The following TINAG variants were observed in gnomAD, a reference collection of about 807,000 sequenced individuals.
TINAG encodes the protein tubulointerstitial nephritis antigen.
In TINAG, 83 loss-of-function variants were observed where a neutral mutation model predicts 72.7. The ratio of observed to expected loss-of-function variants is 1.14; its 90% CI spans 0.96 to 1.37. The LOEUF (loss-of-function observed/expected upper bound fraction) is 1.37, where lower values mean the gene tolerates loss of function less well. Ranked by LOEUF, TINAG falls within the 40% of genes most tolerant of loss-of-function variation. The probability of loss-of-function intolerance (pLI) is 0.00; values close to 1 mark genes in which losing one functional copy is unlikely to be tolerated. For missense variants in TINAG, 685 were observed against 576.6 expected, an observed-to-expected ratio of 1.19 and a Z score of -1.93; for synonymous variants, 234 against 189.9, an observed-to-expected ratio of 1.23 and a Z score of -1.91.
chr6:54,334,149 T>C (rs1330087841), intron 4 of TINAG, among the ~76,000 whole-genome samples: 1 of 152,202 alleles, frequency 6.6e-6, no homozygotes, highest in Non-Finnish European at 1.5e-5. Flanking sequence ...TGTGGTGTTC[T>C]CCAGGCACAT....
chr6:54,317,462 A>G (rs1427572345), intron 1 of TINAG, among the ~76,000 whole-genome samples: 1 of 152,078 alleles, frequency 6.6e-6, no homozygotes, highest in East Asian at 1.9e-4. Context: ...GGTTTTATAA[A>G]TGGGAGTTGC....
chr6:54,326,562 T>G (rs1562152094), intron 3 of TINAG, among the ~76,000 whole-genome samples: 2 of 152,104 alleles, frequency 1.3e-5, no homozygotes, highest in Non-Finnish European at 2.9e-5. Flanking sequence ...GATTATGTTC[T>G]TCGTAAGAAT....
At chr6:54,350,296 G>GA (rs898179913) in intron 7 of TINAG, among the ~76,000 whole-genome samples, 3 of 151,854 alleles carry the variant, frequency 2.0e-5, no homozygotes, top group African/African-American at 4.8e-5. Context: ...GGGTCTAATA[G>GA]AAAAAAGAGT....
At position 54,308,594 on chromosome 6, in the gene TINAG, C is replaced by A. The variant is rs1426622622; in HGVS notation, c.44C>A (p.Thr15Lys). 3 of 1,613,272 alleles carry A rather than the reference C, an allele frequency of 1.9e-6. No homozygotes were observed. The highest frequency in any genetic ancestry group is 1.7e-6 in the Non-Finnish European group (2 of 1,179,650). ...YKILIFSYLT[T>K]EIWMEKQYLS... Reference sequence around the variant, plus strand: ...ATCTTAATCTTCTCTTATCTTACTACAGAAATCTGGATGGAGAAGCAGTAT... The same window carrying A: ...ATCTTAATCTTCTCTTATCTTACTAAAGAAATCTGGATGGAGAAGCAGTAT... The change falls in exon 1 of 11, where the codon ACA becomes AAA. Residue 15 changes from threonine to lysine, a missense_variant. Thr to Lys is a moderately conservative substitution (Grantham distance 78). Coordinates refer to ENST00000259782, the MANE Select transcript of TINAG (RefSeq NM_014464.4).
Position 54,308,743 on chromosome 6 carries a change from G to A in TINAG, c.193G>A (p.Asp65Asn). 1 of 1,613,920 alleles carries A rather than the reference G, an allele frequency of 6.2e-7. No homozygotes were observed. The highest frequency in any genetic ancestry group is 8.5e-7 in the Non-Finnish European group (1 of 1,179,888). ...CTGTAGAAATTTTGGCTGTTGTGAAGACAGAGATGATGGCTGTGTCACTGA... is the reference window on the plus strand; with the variant it reads ...CTGTAGAAATTTTGGCTGTTGTGAAAACAGAGATGATGGCTGTGTCACTGA... ...QYCRNFGCCE[D>N]RDDGCVTEFY... Residue 65 changes from aspartate (D) to asparagine (N), a missense_variant, in exon 1 of 11, where the codon GAC (aspartate) becomes AAC (asparagine). Transcript: ENST00000259782.
rs567840700 is a variant in TINAG, at chr6:54,389,835, T to A, written c.1341T>A (p.Tyr447Ter). ...GAAAGTCATGGGGAGAGAATGGCTA[T>A]TTCAGGATTCTTCGAGGAGTAAATG... Reference protein sequence around the residue: ...SWGKSWGENGYFRILRGVNES... With the variant: ...SWGKSWGENG Residue 447 changes from tyrosine to a stop codon, truncating the protein, a stop_gained, in exon 11 of 11, where the codon TAT becomes TAA. Transcript: ENST00000259782. LOFTEE classifies it high-confidence loss of function. 3.7e-6 allele frequency: 6 copies of A among 1,608,878 alleles called. No homozygotes were observed. In the South Asian group the frequency reaches 6.7e-5, roughly 18 times the overall value.
chr6:54,377,556 A>G (rs1252315412), intron 9 of TINAG, among the ~76,000 whole-genome samples: 1 of 152,090 alleles, frequency 6.6e-6, no homozygotes, highest in Non-Finnish European at 1.5e-5. Flanking sequence ...CAGTAAAGTA[A>G]GGTTCTGGTC....
intron 9 of TINAG, among the ~76,000 whole-genome samples, chr6:54,377,309 C>G (rs1763810763): frequency 6.6e-6 from 1 of 151,902 alleles, no homozygotes; most frequent in African/African-American, 2.4e-5. Flanking sequence ...GTCAGGAGTT[C>G]AAGACCAACC....
chr6:54,308,779 G>A lies in TINAG; in HGVS notation c.229G>A (p.Ala77Thr). The A allele has an allele frequency of 6.2e-7, 1 of 1,613,862 alleles. No individual in the cohort carries two copies. Among genetic ancestry groups the A allele is most frequent in the Non-Finnish European group, 8.5e-7 (1 of 1,179,884 alleles). Residue 77 changes from alanine to threonine, a missense_variant, in exon 1 of 11, where the codon GCG becomes ACG. Coordinates refer to ENST00000259782, the MANE Select transcript of TINAG (RefSeq NM_014464.4). ...DDGCVTEFYA[A>T]NALCYCDKFC... is the part of the protein sequence containing the mutation. ...TGGCTGTGTCACTGAGTTCTATGCG[G>A]CGAATGCGTTGTGCTACTGTGATAA...
intron 1 of TINAG, among the ~76,000 whole-genome samples, chr6:54,319,209 G>A (rs528525652): frequency 2.4e-4 from 37 of 152,228 alleles, no homozygotes; most frequent in African/African-American, 8.2e-4. Flanking sequence ...TTTAAGAATG[G>A]TCAGGAAAGT....
chr6:54,323,322 C>T (rs111516949), intron 3 of TINAG, among the ~76,000 whole-genome samples: 1 of 151,878 alleles, frequency 6.6e-6, no homozygotes, highest in South Asian at 2.1e-4. Context: ...AAATTATTTA[C>T]CAGGGCAAAA....
At chr6:54,323,160 T>G (rs1464601029) in intron 3 of TINAG, among the ~76,000 whole-genome samples, 1 of 152,206 alleles carries the variant, frequency 6.6e-6, no homozygotes, top group Non-Finnish European at 1.5e-5. Context: ...TTAAGAGGCA[T>G]GGGCTTTGCA....
intron 5 of TINAG, among the ~76,000 whole-genome samples, chr6:54,344,610 T>C (rs567376885): frequency 5.8e-4 from 89 of 152,314 alleles, no homozygotes; most frequent in Non-Finnish European, 2.4e-4. Context: ...ATTTATATTA[T>C]GCCAGTATTT....
intron 4 of TINAG, among the ~76,000 whole-genome samples, chr6:54,336,665 T>C (rs1042309946): frequency 1.3e-5 from 2 of 152,166 alleles, no homozygotes; most frequent in African/African-American, 4.8e-5. Flanking sequence ...TAAAATTTGT[T>C]TCTTTAGCAA....
intron 4 of TINAG, among the ~76,000 whole-genome samples, chr6:54,334,707 A>T (rs908777972): frequency 6.6e-6 from 1 of 152,196 alleles, no homozygotes; most frequent in Non-Finnish European, 1.5e-5. Flanking sequence ...CCCTTAGTAG[A>T]GTTCCTGAAT....
chr6:54,317,208 A>G (rs1247704366), intron 1 of TINAG, among the ~76,000 whole-genome samples: 4 of 151,568 alleles, frequency 2.6e-5, no homozygotes, highest in Non-Finnish European at 5.9e-5. Flanking sequence ...TCTTTTCAAT[A>G]CCTCCATCTC....
intron 5 of TINAG, among the ~76,000 whole-genome samples, chr6:54,344,598 A>C (rs1027704255): frequency 6.6e-6 from 1 of 152,160 alleles, no homozygotes; most frequent in Admixed American, 6.6e-5. Context: ...ATTTTGCCTA[A>C]AATTTATATT....
At chr6:54,308,016 A>C, upstream of TINAG, 2 of 1,547,362 alleles carry the variant, frequency 1.3e-6, no homozygotes, top group Non-Finnish European at 1.7e-6. Context: ...GTGACTGGGC[A>C]TGATTTAGAG....
At chr6:54,385,287 A>C (rs1764066608) in intron 10 of TINAG, among the ~76,000 whole-genome samples, 1 of 152,088 alleles carries the variant, frequency 6.6e-6, no homozygotes, top group African/African-American at 2.4e-5. Flanking sequence ...GGAGAGACAA[A>C]TTGCCATAGA....
Sources: allele counts gnomAD v4.1 joint callset (sites outside exome capture counted in the v4.1 genomes callset), GRCh38; gene constraint gnomAD v4.1.1; transcripts MANE v1.5; gene names NCBI Gene and HGNC (gene_info 2026-07-23, HGNC 2026-07-21).